KCNQ5: variants seen among roughly 807,000 people sequenced by gnomAD.
KCNQ5 encodes the protein potassium voltage-gated channel subfamily Q member 5, also known as potassium voltage-gated channel subfamily KQT member 5.
In KCNQ5, 30 loss-of-function variants were observed where a neutral mutation model predicts 98.2. The ratio of observed to expected loss-of-function variants is 0.31; its 90% CI spans 0.23 to 0.41. The LOEUF (loss-of-function observed/expected upper bound fraction) is 0.41. KCNQ5 is among the 10% of genes least tolerant of loss of function. The pLI, the probability that KCNQ5 is intolerant of heterozygous loss-of-function variation, is 1.00. For missense variants in KCNQ5, 835 were observed against 1,182.5 expected (o/e 0.71, Z 4.31); for synonymous variants, 458 against 449.4 (o/e 1.02, Z -0.24).
At chr6:72,924,025 A>G (rs962320169) in intron 1 of KCNQ5, among the ~76,000 whole-genome samples, 4 of 152,236 alleles carry the variant, frequency 2.6e-5, no homozygotes, top group Non-Finnish European at 4.4e-5. Context: ...ACTAAATGAG[A>G]ACATTTTGCT....
chr6:72,900,142 AC>A (rs1401415064), intron 1 of KCNQ5, among the ~76,000 whole-genome samples: 2 of 151,910 alleles, frequency 1.3e-5, no homozygotes, highest in Non-Finnish European at 2.9e-5. Context: ...GGCCTATTGC[AC>A]CATTCTTATG....
At chr6:73,041,857 T>A in intron 2 of KCNQ5, 79 bp from the exon 3 acceptor site, 1 of 1,546,910 alleles carries the variant, frequency 6.5e-7, no homozygotes, top group Non-Finnish European at 8.9e-7. Flanking sequence ...TGCCTAAATG[T>A]CCAAAAATAT....
intron 1 of KCNQ5, among the ~76,000 whole-genome samples, chr6:72,836,695 T>C (rs142556249): frequency 1.0e-3 from 159 of 152,284 alleles, no homozygotes; most frequent in African/African-American, 3.7e-3. Context: ...GCCTCAAACT[T>C]ACATTCATTT....
At chr6:72,893,428 G>C (rs1779132952) in intron 1 of KCNQ5, among the ~76,000 whole-genome samples, 1 of 152,156 alleles carries the variant, frequency 6.6e-6, no homozygotes, top group African/African-American at 2.4e-5. Context: ...AAGGGAGTAG[G>C]AACCACCAGG....
In KCNQ5 at chr6:73,116,294, G is replaced by A. The variant is rs138578537; in HGVS notation, c.1126-4189G>A. Among the ~76,000 whole-genome samples the A allele has an allele frequency of 1.2e-3, 178 of 152,228 alleles. 1 individual carries two copies. The highest frequency in any genetic ancestry group is 2.0e-3 in the Non-Finnish European group (135 of 68,014). ...CATGTAAGTGGGCAATATCATTATC[G>A]TTCAGGATAGGAAGTTAATTGATAA... On this transcript the variant is annotated intron_variant, in intron 7 of 13. Coordinates refer to ENST00000370398, the MANE Select transcript of KCNQ5 (RefSeq NM_019842.4).
chr6:73,192,387 A>T (rs1765622887), intron 12 of KCNQ5, among the ~76,000 whole-genome samples, 178 bp from the exon 13 acceptor site: 1 of 152,248 alleles, frequency 6.6e-6, no homozygotes, highest in Non-Finnish European at 1.5e-5. Flanking sequence ...GAGAAAATTA[A>T]TTTCATGTGT....
intron 1 of KCNQ5, among the ~76,000 whole-genome samples, chr6:73,000,273 C>T (rs1769502738): frequency 6.6e-6 from 1 of 152,158 alleles, no homozygotes; most frequent in South Asian, 2.1e-4. Flanking sequence ...AGTGTTTTCT[C>T]CAGCCAGAAA....
chr6:73,113,754 G>T (rs2150430570), intron 7 of KCNQ5, among the ~76,000 whole-genome samples: 1 of 152,360 alleles, frequency 6.6e-6, no homozygotes, highest in Non-Finnish European at 1.5e-5. Flanking sequence ...AATGAGGCAA[G>T]GCCTCCCTCA....
chr6:72,854,479 A>G (rs1005711357), intron 1 of KCNQ5, among the ~76,000 whole-genome samples: 2 of 151,844 alleles, frequency 1.3e-5, no homozygotes, highest in African/African-American at 4.8e-5. Context: ...TATGTAAAAA[A>G]TTCAATATTA....
At chr6:73,111,484 T>C in intron 7 of KCNQ5, 81 bp downstream of exon 7, 1 of 901,242 alleles carries the variant, frequency 1.1e-6, no homozygotes, top group East Asian at 2.4e-5. Flanking sequence ...CTGTGCTTCA[T>C]TGCTTGGTAG....
At chr6:72,709,946 ATAT>A (rs1296230307) in intron 1 of KCNQ5, among the ~76,000 whole-genome samples, 2 of 152,238 alleles carry the variant, frequency 1.3e-5, no homozygotes, top group Non-Finnish European at 2.9e-5. Flanking sequence ...AAATAAGTAA[ATAT>A]TATCATGGTG....
At chr6:73,184,303 A>T (rs535199417) in intron 11 of KCNQ5, among the ~76,000 whole-genome samples, 2 of 152,342 alleles carry the variant, frequency 1.3e-5, no homozygotes, top group East Asian at 3.9e-4. Context: ...TATTTAAATG[A>T]CTTTTCTGAA....
At chr6:72,896,556 G>C (rs549521669) in intron 1 of KCNQ5, among the ~76,000 whole-genome samples, 1 of 152,166 alleles carries the variant, frequency 6.6e-6, no homozygotes, top group East Asian at 1.9e-4. Flanking sequence ...GTCAGATATT[G>C]GAAATTTTAT....
chr6:72,775,466 C>T (rs1488707774), intron 1 of KCNQ5, among the ~76,000 whole-genome samples: 1 of 152,132 alleles, frequency 6.6e-6, no homozygotes, highest in African/African-American at 2.4e-5. Flanking sequence ...ACACATTTGC[C>T]ATGCAGAAAG....
At chr6:72,864,446 A>C (rs867044267) in intron 1 of KCNQ5, among the ~76,000 whole-genome samples, 2 of 152,166 alleles carry the variant, frequency 1.3e-5, no homozygotes, top group African/African-American at 2.4e-5. Context: ...CACTGAGAAA[A>C]TCTGGGTCAG....
intron 1 of KCNQ5, among the ~76,000 whole-genome samples, chr6:72,925,731 T>C (rs1055098868): frequency 1.2e-4 from 18 of 152,056 alleles, no homozygotes; most frequent in Middle Eastern, 3.4e-3. Flanking sequence ...CAGGCAGGAG[T>C]GAAGGATTGT....
At chr6:72,748,715 AT>A (rs1187362380) in intron 1 of KCNQ5, among the ~76,000 whole-genome samples, 1 of 152,154 alleles carries the variant, frequency 6.6e-6, no homozygotes, top group African/African-American at 2.4e-5. Context: ...ATTTAAACAG[AT>A]TTTCATCATA....
intron 1 of KCNQ5, among the ~76,000 whole-genome samples, chr6:72,638,635 C>A (rs2098925509): frequency 6.7e-6 from 1 of 148,688 alleles, no homozygotes. Flanking sequence ...AGGCAAATAC[C>A]TATTTTTTTT....
intron 1 of KCNQ5, among the ~76,000 whole-genome samples, chr6:72,733,727 C>T (rs1770674489): frequency 1.3e-5 from 2 of 152,172 alleles, no homozygotes; most frequent in Admixed American, 1.3e-4. Context: ...GGCTAAGAGG[C>T]TCCTAAGTGC....
Sources: allele counts gnomAD v4.1 joint callset (sites outside exome capture counted in the v4.1 genomes callset), GRCh38; gene constraint gnomAD v4.1.1; transcripts MANE v1.5; gene names NCBI Gene and HGNC (gene_info 2026-07-23, HGNC 2026-07-21).